PRDM5: variants seen among roughly 807,000 people sequenced by gnomAD.
PRDM5 encodes the protein PR/SET domain 5.
PRDM5 carries 56 observed loss-of-function variants against 81.2 expected under a neutral mutation model. The ratio of observed to expected loss-of-function variants is 0.69; its 90% CI spans 0.56 to 0.86. PRDM5 has a LOEUF of 0.86. PRDM5 is among the 40% of genes least tolerant of loss of function. The pLI is 0.00. For missense variants in PRDM5, 697 were observed against 770.1 expected (o/e 0.91, Z 1.12); for synonymous variants, 267 against 256.4 (o/e 1.04, Z -0.39).
intron 9 of PRDM5, among the ~76,000 whole-genome samples, chr4:120,798,818 A>C (rs1162219904): frequency 6.6e-6 from 1 of 152,218 alleles, no homozygotes; most frequent in Non-Finnish European, 1.5e-5. Flanking sequence ...CAAAGGCCTC[A>C]TGGAGGCAGA....
chr4:120,920,208 CT>C (rs1239051912), intron 1 of PRDM5, among the ~76,000 whole-genome samples: 9 of 152,258 alleles, frequency 5.9e-5, no homozygotes, highest in Admixed American at 2.6e-4. Context: ...GGATTAGATT[CT>C]CTGAATTTGA....
At chr4:120,722,395 A>G (rs1429627631) in intron 14 of PRDM5, among the ~76,000 whole-genome samples, 1 of 151,858 alleles carries the variant, frequency 6.6e-6, no homozygotes, top group African/African-American at 2.4e-5. Context: ...TCCCTAGTCT[A>G]TATCACTGCT....
intron 7 of PRDM5, chr4:120,812,769 C>G (rs1489103760): frequency 4.9e-6 from 2 of 408,612 alleles, no homozygotes; most frequent in Admixed American, 6.4e-5. Flanking sequence ...CATATACCAC[C>G]TTTCTCATAT....
intron 2 of PRDM5, among the ~76,000 whole-genome samples, chr4:120,894,889 T>C (rs567310116): frequency 6.6e-6 from 1 of 152,326 alleles, no homozygotes; most frequent in Non-Finnish European, 1.5e-5. Context: ...GAAGAAGCCA[T>C]GTCACCAAAA....
At chr4:120,779,465 G>T (rs900395058) in intron 12 of PRDM5, among the ~76,000 whole-genome samples, 1 of 151,946 alleles carries the variant, frequency 6.6e-6, no homozygotes, top group Admixed American at 6.6e-5. Flanking sequence ...CATGCAAAAA[G>T]TAATTAAAGC....
chr4:120,914,675 C>T (rs1232394134), intron 1 of PRDM5, among the ~76,000 whole-genome samples: 1 of 152,166 alleles, frequency 6.6e-6, no homozygotes, highest in African/African-American at 2.4e-5. Flanking sequence ...TTTGTATCAA[C>T]TGCATTGTAT....
At chr4:120,807,316 G>C (rs953007542) in intron 8 of PRDM5, among the ~76,000 whole-genome samples, 23 of 152,192 alleles carry the variant, frequency 1.5e-4, no homozygotes, top group Non-Finnish European at 5.9e-5. Context: ...GCTAGAACTA[G>C]AAATACCATT....
intron 14 of PRDM5, among the ~76,000 whole-genome samples, chr4:120,731,006 C>T (rs1199234473): frequency 6.6e-6 from 1 of 152,140 alleles, no homozygotes; most frequent in Non-Finnish European, 1.5e-5. Context: ...ATACAAAAGC[C>T]CTTAAGAGTT....
At position 120,762,622 on chromosome 4, in the gene PRDM5, G is replaced by A. The variant is rs1745790565; in HGVS notation, c.1538-7984C>T. On this transcript the variant is annotated intron_variant, in intron 13 of 15. Coordinates refer to ENST00000264808, the MANE Select transcript of PRDM5 (RefSeq NM_018699.4). ...ACCCTTCCAATCCCTTCAATTTATGGAGTTTCTAATAAATTAGAAGTACAC... is the reference window on the plus strand; with the variant it reads ...ACCCTTCCAATCCCTTCAATTTATGAAGTTTCTAATAAATTAGAAGTACAC... 1.3e-5 allele frequency: 2 copies of A among 152,086 alleles called. 1 individual carries two copies. The highest frequency in any genetic ancestry group is 4.1e-4 in the South Asian group (2 of 4,834). 9.4% of individuals were successfully genotyped at this position (152,086 alleles called of 1,614,324 possible).
At chr4:120,801,295 G>C (rs1752084461) in intron 8 of PRDM5, among the ~76,000 whole-genome samples, 1 of 152,206 alleles carries the variant, frequency 6.6e-6, no homozygotes, top group African/African-American at 2.4e-5. Flanking sequence ...TGAGTAATGA[G>C]TGGAGGACTC....
At position 120,692,549 on chromosome 4, in the gene PRDM5, G is replaced by A. The variant is rs1428678654; in HGVS notation, c.*2562C>T. ...AAAAGCCAGTTATTGTGAAACAAAG[G>A]CAAATTAAAGATACACAAACATCTT... On this transcript the variant is annotated 3_prime_UTR_variant, in exon 16 of 16. Coordinates refer to ENST00000264808, the MANE Select transcript of PRDM5 (RefSeq NM_018699.4). 6.6e-6 allele frequency: 1 copy of A among 151,982 alleles called. No homozygotes were observed. Among genetic ancestry groups the A allele is most frequent in the East Asian group, 1.9e-4 (1 of 5,194 alleles). 9.4% of individuals were successfully genotyped at this position (151,982 alleles called of 1,614,324 possible).
chr4:120,772,724 C>T (rs1747477563), intron 13 of PRDM5, among the ~76,000 whole-genome samples: 2 of 152,122 alleles, frequency 1.3e-5, no homozygotes, highest in African/African-American at 4.8e-5. Flanking sequence ...GGCCAGGGGG[C>T]CCTTCAAGAG....
downstream of PRDM5, chr4:120,691,766 G>A (rs1734066170): frequency 6.6e-6 from 1 of 151,930 alleles, no homozygotes; most frequent in African/African-American, 2.4e-5. Flanking sequence ...GAAACACTTG[G>A]ATGTATAAAG....
intron 2 of PRDM5, among the ~76,000 whole-genome samples, chr4:120,904,878 T>C (rs1765621084): frequency 6.6e-6 from 1 of 152,160 alleles, no homozygotes; most frequent in Non-Finnish European, 1.5e-5. Context: ...TGTTAAAAAT[T>C]GAATTTGTAC....
chr4:120,912,457 TACAACTG>T (rs1253775331), intron 1 of PRDM5, among the ~76,000 whole-genome samples: 2 of 152,184 alleles, frequency 1.3e-5, no homozygotes, highest in Non-Finnish European at 2.9e-5. Flanking sequence ...TGAGATATTC[TACAACTG>T]ACATGATCTC....
At chr4:120,913,571 G>A (rs1015703199) in intron 1 of PRDM5, among the ~76,000 whole-genome samples, 1 of 152,204 alleles carries the variant, frequency 6.6e-6, no homozygotes, top group Non-Finnish European at 1.5e-5. Context: ...GCGACAAAAA[G>A]AATTGTGGGT....
At chr4:120,841,692 T>A (rs1210987429) in intron 3 of PRDM5, among the ~76,000 whole-genome samples, 2 of 152,166 alleles carry the variant, frequency 1.3e-5, no homozygotes, top group Non-Finnish European at 2.9e-5. Flanking sequence ...AAATTTTAGT[T>A]TTAACACTTC....
chr4:120,883,595 G>C (rs13115052), intron 2 of PRDM5, among the ~76,000 whole-genome samples: 1 of 122,132 alleles, frequency 8.2e-6, no homozygotes, highest in South Asian at 2.9e-4. Context: ...GGTGGGGGGA[G>C]GGGGGAGGGA....
At chr4:120,900,956 A>G (rs549967829) in intron 2 of PRDM5, among the ~76,000 whole-genome samples, 30 of 152,338 alleles carry the variant, frequency 2.0e-4, no homozygotes, top group African/African-American at 7.0e-4. Context: ...TTTTCCTTAG[A>G]GACAGCTATT....
Sources: gnomAD v4.1 joint callset for allele counts (sites outside exome capture counted in the v4.1 genomes callset) on GRCh38, gnomAD v4.1.1 for gene constraint, MANE v1.5 for transcripts, NCBI Gene and HGNC (gene_info 2026-07-23, HGNC 2026-07-21) for gene names.